SELENOT: variants seen among roughly 807,000 people sequenced by gnomAD.
SELENOT encodes thioredoxin reductase-like selenoprotein T.
SELENOT carries 9 observed loss-of-function variants against 24.3 expected under a neutral mutation model. The observed-to-expected ratio is 0.37, with a 90% CI of 0.22 to 0.65. The LOEUF is 0.65. SELENOT is among the 30% of genes least tolerant of loss of function. SELENOT has a pLI of 0.60. For synonymous variants in SELENOT, 81 were observed against 86.0 expected (o/e 0.94, Z 0.32); for missense variants, 166 against 247.6 (o/e 0.67, Z 2.21).
At chr3:150,619,236 AAAG>A (rs1357002099) in intron 1 of SELENOT, among the ~76,000 whole-genome samples, 2 of 149,636 alleles carry the variant, frequency 1.3e-5, no homozygotes, top group Non-Finnish European at 3.0e-5. Flanking sequence ...AAAAAAAAAA[AAAG>A]ATTTCTTTTT....
At position 150,611,041 on chromosome 3, in the gene SELENOT, G is replaced by GTGTGTA. The variant is rs1273949263; in HGVS notation, c.137+7543_137+7544insGTGTAT. 2.7e-5 allele frequency among the ~76,000 whole-genome samples: 4 copies of GTGTGTA among 147,498 alleles called. No homozygotes were observed. In the East Asian group the frequency reaches 6.0e-4, roughly 22 times the overall value. ...TGTGTGTGTGTGTGTGTGTGTATTT[G>GTGTGTA]TTTTTGTTTTCTTTTTTAATAGTAA... On this transcript the variant is annotated intron_variant, in intron 1 of 5. Coordinates refer to ENST00000471696, the MANE Select transcript of SELENOT (RefSeq NM_016275.5).
chr3:150,624,073 T>C (rs1726393458), intron 3 of SELENOT, among the ~76,000 whole-genome samples: 1 of 152,158 alleles, frequency 6.6e-6, no homozygotes, highest in African/African-American at 2.4e-5. Flanking sequence ...AATTGAAATA[T>C]ATCTCTACCC....
rs1726483464 is a variant in SELENOT at position 150,628,212 on chromosome 3, G to A, written c.*583G>A. On this transcript the variant is annotated 3_prime_UTR_variant, in exon 6 of 6. Coordinates refer to ENST00000471696, the MANE Select transcript of SELENOT (RefSeq NM_016275.5). ...TATTCAGAGTACTCTATAAATTTTTGTGTATGTGTGTATGTGCGTGTGATT... is the reference window on the plus strand; with the variant it reads ...TATTCAGAGTACTCTATAAATTTTTATGTATGTGTGTATGTGCGTGTGATT... 1 of 152,430 alleles carries A rather than the reference G, an allele frequency of 6.6e-6. No individual in the cohort carries two copies. The highest frequency in any genetic ancestry group is 2.1e-4 in the South Asian group (1 of 4,832). 9.4% of individuals were successfully genotyped at this position (152,430 alleles called of 1,614,324 possible). A position where few individuals can be genotyped will look rare whatever the true frequency, so the allele number is the denominator to read the frequency against.
At chr3:150,617,852 T>TGGTTTGGTTG (rs149304188) in intron 1 of SELENOT, among the ~76,000 whole-genome samples, 1 of 151,958 alleles carries the variant, frequency 6.6e-6, no homozygotes, top group African/African-American at 2.4e-5. Flanking sequence ...TGGTTTGGTT[T>TGGTTTGGTTG]GGTTTGGTTT....
chr3:150,610,530 T>C (rs563791363), intron 1 of SELENOT, among the ~76,000 whole-genome samples: 1 of 152,346 alleles, frequency 6.6e-6, no homozygotes, highest in East Asian at 1.9e-4. Context: ...ATTGATGACC[T>C]AAGAGAAGTG....
chr3:150,612,377 G>C lies in SELENOT; in HGVS notation c.137+8878G>C, dbSNP rs575541770. Among the ~76,000 whole-genome samples, 84 of 152,278 alleles carry C rather than the reference G, an allele frequency of 5.5e-4. 1 individual carries two copies. The highest frequency in any genetic ancestry group is 2.0e-3 in the African/African-American group (84 of 41,542). On this transcript the variant is annotated intron_variant, in intron 1 of 5. Transcript: ENST00000471696. ...CAAAGTGCTGGGATTACAGGTGTGA[G>C]CCACCATGCCCGGCTATATATATAT...
chr3:150,607,366 G>C (rs1725989332), intron 1 of SELENOT, among the ~76,000 whole-genome samples: 1 of 152,220 alleles, frequency 6.6e-6, no homozygotes, highest in Admixed American at 6.5e-5. Context: ...TACTCATCAA[G>C]ATTAGTAGTA....
chr3:150,610,707 C>T (rs1305563893), intron 1 of SELENOT, among the ~76,000 whole-genome samples: 1 of 152,160 alleles, frequency 6.6e-6, no homozygotes, highest in Non-Finnish European at 1.5e-5. Flanking sequence ...TGAACTCTTT[C>T]AGGAAAAGAG....
intron 1 of SELENOT, among the ~76,000 whole-genome samples, chr3:150,610,613 C>G (rs1361990895): frequency 1.3e-5 from 2 of 152,132 alleles, no homozygotes; most frequent in Non-Finnish European, 2.9e-5. Context: ...GTAATTTGTG[C>G]ACTGCTTTCT....
intron 1 of SELENOT, among the ~76,000 whole-genome samples, chr3:150,619,909 T>TA (rs1166365639): frequency 1.3e-5 from 2 of 152,166 alleles, no homozygotes; most frequent in East Asian, 3.8e-4. Flanking sequence ...TGGAAGCAAA[T>TA]ATAAGGAGGA....
At chr3:150,605,073 T>A (rs910477300) in intron 1 of SELENOT, among the ~76,000 whole-genome samples, 1 of 151,390 alleles carries the variant, frequency 6.6e-6, no homozygotes, top group Non-Finnish European at 1.5e-5. Context: ...TACAATGTAC[T>A]ATGTTTCTGG....
chr3:150,604,897 C>G (rs192484451), intron 1 of SELENOT, among the ~76,000 whole-genome samples: 1 of 152,036 alleles, frequency 6.6e-6, no homozygotes, highest in Non-Finnish European at 1.5e-5. Flanking sequence ...ATTAGCCTGG[C>G]GTGGTGGCGC....
At chr3:150,612,139 G>C (rs1377088990) in intron 1 of SELENOT, among the ~76,000 whole-genome samples, 3 of 151,976 alleles carry the variant, frequency 2.0e-5, no homozygotes, top group Non-Finnish European at 4.4e-5. Flanking sequence ...TGTCGCCCAG[G>C]CTGGAGTGCG....
chr3:150,617,559 T>C (rs1361631640), intron 1 of SELENOT, among the ~76,000 whole-genome samples: 1 of 152,162 alleles, frequency 6.6e-6, no homozygotes, highest in Non-Finnish European at 1.5e-5. Context: ...TGGTTGTAGA[T>C]TGATTTCAGG....
At chr3:150,610,261 G>A (rs1382441131) in intron 1 of SELENOT, among the ~76,000 whole-genome samples, 1 of 152,160 alleles carries the variant, frequency 6.6e-6, no homozygotes, top group African/African-American at 2.4e-5. Context: ...TAGGTATAAA[G>A]GTACCCTTTT....
intron 1 of SELENOT, among the ~76,000 whole-genome samples, chr3:150,605,924 A>G (rs1382357602): frequency 1.3e-5 from 2 of 152,198 alleles, no homozygotes; most frequent in Non-Finnish European, 2.9e-5. Context: ...CACTGCTAAC[A>G]ATCAAAAGAG....
At chr3:150,611,960 C>G (rs1169477140) in intron 1 of SELENOT, 12 of 679,130 alleles carry the variant, frequency 1.8e-5, no homozygotes, top group Non-Finnish European at 2.6e-5. Context: ...CTCTGCACAC[C>G]AAGTTAGCTG....
chr3:150,608,987 C>T (rs1028278645), intron 1 of SELENOT, among the ~76,000 whole-genome samples: 4 of 152,140 alleles, frequency 2.6e-5, no homozygotes, highest in Non-Finnish European at 5.9e-5. Context: ...AGTACAGTTT[C>T]TTTCTCTCGC....
intron 1 of SELENOT, among the ~76,000 whole-genome samples, chr3:150,604,183 C>T (rs1470707118): frequency 6.6e-6 from 1 of 152,222 alleles, no homozygotes; most frequent in Non-Finnish European, 1.5e-5. Context: ...TCCTCACCTG[C>T]CTCCCAGGAG....
Sources: allele counts gnomAD v4.1 joint callset (sites outside exome capture counted in the v4.1 genomes callset), GRCh38; gene constraint gnomAD v4.1.1; transcripts MANE v1.5; gene names NCBI Gene and HGNC (gene_info 2026-07-23, HGNC 2026-07-21).